The following THAP4 variants were observed in gnomAD, a reference collection of about 807,000 sequenced individuals.
THAP4 encodes THAP domain containing 4.
In THAP4, 18 loss-of-function variants were observed where a neutral mutation model predicts 48.1. The observed-to-expected ratio is 0.37, with a 90% confidence interval of 0.26 to 0.56. The LOEUF (loss-of-function observed/expected upper bound fraction) is 0.56. Among genes scored for constraint, THAP4 ranks in the 20% least tolerant of loss-of-function variants. The probability of loss-of-function intolerance (pLI) is 0.78; values close to 1 mark genes in which losing one functional copy is unlikely to be tolerated. For missense variants in THAP4, 656 were observed against 774.9 expected, an observed-to-expected ratio of 0.85 and a Z score of 1.82; for synonymous variants, 345 against 324.9, an observed-to-expected ratio of 1.06 and a Z score of -0.66.
At chr2:241,621,559 C>A (rs572790942) in intron 2 of THAP4, among the ~76,000 whole-genome samples, 36 of 151,766 alleles carry the variant, frequency 2.4e-4, no homozygotes, top group African/African-American at 8.7e-4. Flanking sequence ...GAAAGAATCA[C>A]TGAGTTGAAG....
rs968656620 is a variant in THAP4, at chr2:241,637,137, C to A, written c.-120G>T. 1 of 993,338 alleles carries A rather than the reference C, an allele frequency of 1.0e-6. No individual in the cohort carries two copies. The highest frequency in any genetic ancestry group is 1.2e-6 in the Non-Finnish European group (1 of 836,776). The allele number at this position is 993,338 out of a possible 1,614,324, so 61.5% of individuals were successfully genotyped here. A position where few individuals can be genotyped will look rare whatever the true frequency, so the allele number is the denominator to read the frequency against. ...GCTCGGGACGTGGGCCGGCCCGCGG[C>A]GTCCGCGCCGTACGGCAAGATGGAG... On this transcript the variant is annotated 5_prime_UTR_variant, in exon 1 of 6. Coordinates refer to ENST00000407315, the MANE Select transcript of THAP4 (RefSeq NM_015963.6).
intron 2 of THAP4, among the ~76,000 whole-genome samples, chr2:241,630,140 G>A (rs1011690805): frequency 6.6e-6 from 1 of 152,108 alleles, no homozygotes; most frequent in Non-Finnish European, 1.5e-5. Context: ...CCCAATCTGT[G>A]TGCACTGAAA....
At chr2:241,629,700 G>A (rs1559234974) in intron 2 of THAP4, among the ~76,000 whole-genome samples, 2 of 151,592 alleles carry the variant, frequency 1.3e-5, no homozygotes, top group African/African-American at 4.9e-5. Flanking sequence ...GAAATAAGAC[G>A]TTAAACGGGA....
chr2:241,596,092 C>T lies in THAP4; in HGVS notation c.1614+5804G>A, dbSNP rs138595042. Among the ~76,000 whole-genome samples the T allele has an allele frequency of 3.4e-4, 52 of 152,342 alleles. No homozygotes were observed. In the East Asian group the frequency reaches 8.1e-3, roughly 24 times the overall value. ...CGCTGTAATAAGTCAGCTCCTGCCACGTCCTATGAGGCCTCCCAGTGAACC... is the reference window on the plus strand; with the variant it reads ...CGCTGTAATAAGTCAGCTCCTGCCATGTCCTATGAGGCCTCCCAGTGAACC... On this transcript the variant is annotated intron_variant, in intron 5 of 5. Coordinates refer to ENST00000407315, the MANE Select transcript of THAP4 (RefSeq NM_015963.6).
intron 5 of THAP4, among the ~76,000 whole-genome samples, chr2:241,585,912 CA>C (rs1175852721): frequency 2.9e-3 from 81 of 28,280 alleles, no homozygotes; most frequent in African/African-American, 5.3e-3. Flanking sequence ...GACTCCTTCT[CA>C]AAAAAAAAAA....
In THAP4 at chr2:241,633,044, G is replaced by A. The variant is rs765217337; in HGVS notation, c.1113C>T (p.Gly371=). Residue 371 remains glycine (G), a synonymous_variant, in exon 2 of 6, where the codon GGC becomes GGT. Transcript: ENST00000407315. The surrounding 1 kb of genome is among the most constrained non-coding windows in gnomAD (Gnocchi z 7.5). ...CLREQVEKKN[G]ELKSLRQRVS... is the part of the protein sequence containing the mutation. ...CCCTCTGCCGCAGGCTCTTCAGCTC[G>A]CCGTTCTTCTTCTCCACCTGCTCCC... is the stretch of plus-strand genomic sequence containing the variant. The A allele has an allele frequency of 4.0e-5, 64 of 1,613,790 alleles. No individual in the cohort carries two copies. Among genetic ancestry groups the A allele is most frequent in the Middle Eastern group, 1.6e-4 (1 of 6,084 alleles).
upstream of THAP4, chr2:241,637,258 C>T (rs2067689060): frequency 1.9e-6 from 2 of 1,073,782 alleles, no homozygotes; most frequent in Admixed American, 5.9e-5. Flanking sequence ...CGGGGCGCCG[C>T]AGGCCCCTCG....
intron 5 of THAP4, among the ~76,000 whole-genome samples, chr2:241,599,405 TC>T (rs2067086553): frequency 1.3e-5 from 2 of 152,176 alleles, no homozygotes; most frequent in Non-Finnish European, 2.9e-5. Context: ...GTGCCTAAGA[TC>T]CTGGCTGTCT....
rs558759411 is a variant in THAP4 at position 241,630,382 on chromosome 2, A to ACT, written c.1240+2534_1240+2535insAG. On this transcript the variant is annotated intron_variant, in intron 2 of 5. Coordinates refer to ENST00000407315, the MANE Select transcript of THAP4 (RefSeq NM_015963.6). ...AAAAGATGTAAGGATTAACCAGCATAAACAACAACTCAGAGACACGAAGGG... is the reference window on the plus strand; with the variant it reads ...AAAAGATGTAAGGATTAACCAGCATACTAACAACAACTCAGAGACACGAAGGG... 6.6e-4 allele frequency among the ~76,000 whole-genome samples: 101 copies of ACT among 152,306 alleles called. 3 individuals carry two copies. In the South Asian group the frequency reaches 0.021, roughly 32 times the overall value.
intron 1 of THAP4, 30 bp downstream of exon 1, chr2:241,636,911 C>A: frequency 2.5e-6 from 3 of 1,204,088 alleles, no homozygotes; most frequent in Middle Eastern, 3.4e-4. Context: ...CGGGTCGGGG[C>A]GGGGGCGTGG....
intron 2 of THAP4, among the ~76,000 whole-genome samples, chr2:241,631,526 T>G (rs1224027977): frequency 6.6e-6 from 1 of 152,220 alleles, no homozygotes; most frequent in Non-Finnish European, 1.5e-5. Flanking sequence ...AGTACAGTGG[T>G]GCAATCACAG....
At chr2:241,602,324 A>G (rs2067125170) in intron 4 of THAP4, among the ~76,000 whole-genome samples, 1 of 151,444 alleles carries the variant, frequency 6.6e-6, no homozygotes, top group East Asian at 1.9e-4. Context: ...ATGGACGTCC[A>G]GGAAGAAACA....
At position 241,633,169 on chromosome 2, in the gene THAP4, C is replaced by G; in HGVS notation, c.988G>C (p.Glu330Gln). ...HSDASPMSINEVILSASGACK... is the reference protein window; with the variant it reads ...HSDASPMSINQVILSASGACK... ...GCCCCTGACGCCGACAGGATGACCT[C>G]GTTGATGGACATGGGGCTGGCGTCG... The change falls in exon 2 of 6, where the codon GAG becomes CAG. Residue 330 changes from glutamate to glutamine, a missense_variant. Physicochemically the swap from Glu to Gln is conservative, Grantham distance 29. This residue lies in a region of THAP4 where 391 missense variants were observed against 412.4 expected (regional missense o/e 0.95). Transcript: ENST00000407315. The surrounding 1 kb of genome is among the most constrained non-coding windows in gnomAD (Gnocchi z 7.5). 1 of 1,608,864 alleles carries G rather than the reference C, an allele frequency of 6.2e-7. No homozygotes were observed. Among genetic ancestry groups the G allele is most frequent in the Non-Finnish European group, 8.5e-7 (1 of 1,176,798 alleles).
chr2:241,633,788 TC>T lies in THAP4; in HGVS notation c.368del (p.Gly123GlufsTer22). The T allele has an allele frequency of 6.2e-7, 1 of 1,613,624 alleles. No individual in the cohort carries two copies. Among genetic ancestry groups the T allele is most frequent in the Non-Finnish European group, 8.5e-7 (1 of 1,179,658 alleles). ...RGHSSAATSR[G>X]AAGWSPSSSG... ...TCGAGGACGGTGACCAACCTGCAGCTCCTCTGCTGGTGGCGGCACTCGAGTG... is the reference window on the plus strand; with the variant it reads ...TCGAGGACGGTGACCAACCTGCAGCTCTCTGCTGGTGGCGGCACTCGAGTG... On this transcript the variant is annotated frameshift_variant, in exon 2 of 6. Coordinates refer to ENST00000407315, the MANE Select transcript of THAP4 (RefSeq NM_015963.6). LOFTEE classifies it high-confidence loss of function. This position sits in a 1 kb window ranked among gnomAD's most constrained non-coding sequence, Gnocchi z 7.5.
Position 241,637,069 on chromosome 2 carries a change from C to G in THAP4, c.-52G>C, listed in dbSNP as rs767879142. On this transcript the variant is annotated 5_prime_UTR_variant, in exon 1 of 6. Coordinates refer to ENST00000407315, the MANE Select transcript of THAP4 (RefSeq NM_015963.6). ...CAGGCCCCGGCCCTAGCCGCCCGCC[C>G]GCCCGCGGACCGCCCCGAGGGAGGG... The G allele has an allele frequency of 7.3e-6, 8 of 1,094,066 alleles. No homozygotes were observed. In the East Asian group the frequency reaches 6.2e-4, roughly 85 times the overall value. 67.8% of individuals were successfully genotyped at this position (1,094,066 alleles called of 1,614,324 possible).
chr2:241,620,820 G>C (rs2067421213), intron 2 of THAP4, among the ~76,000 whole-genome samples: 1 of 152,088 alleles, frequency 6.6e-6, no homozygotes, highest in Non-Finnish European at 1.5e-5. Context: ...TAGGTGACAG[G>C]ACTCTCTCAG....
rs148112584 is a variant in THAP4 at position 241,633,765 on chromosome 2, G to A, written c.392C>T (p.Ser131Leu). The change falls in exon 2 of 6, where the codon TCG becomes TTG. Residue 131 changes from serine to leucine, a missense_variant. Coordinates refer to ENST00000407315, the MANE Select transcript of THAP4 (RefSeq NM_015963.6). This position sits in a 1 kb window ranked among gnomAD's most constrained non-coding sequence, Gnocchi z 7.5. ...TGGCTTGGCCATCGGGTTTCCACTC[G>A]AGGACGGTGACCAACCTGCAGCTCC... ...SRGAAGWSPSSSGNPMAKPES... is the reference protein window; with the variant it reads ...SRGAAGWSPSLSGNPMAKPES... 28 of 1,613,250 alleles carry A rather than the reference G, an allele frequency of 1.7e-5. No individual in the cohort carries two copies. The African/African-American group carries it at 2.4e-4, about 14-fold the overall frequency.
upstream of THAP4, chr2:241,637,407 TCGA>T: frequency 6.9e-7 from 1 of 1,445,384 alleles, no homozygotes; most frequent in Non-Finnish European, 9.1e-7. Flanking sequence ...CTCTGCCGCC[TCGA>T]CAACTGCTCC....
chr2:241,630,587 T>C (rs897192030), intron 2 of THAP4, among the ~76,000 whole-genome samples: 1 of 152,146 alleles, frequency 6.6e-6, no homozygotes, highest in Non-Finnish European at 1.5e-5. Flanking sequence ...GAGACCAGCC[T>C]GACCAACATG....
Sources: gnomAD v4.1 joint callset for allele counts (sites outside exome capture counted in the v4.1 genomes callset) on GRCh38, gnomAD v4.1.1 for gene constraint, gnomAD v4.1.1 regional missense constraint, Gnocchi (gnomAD v3.1) non-coding constraint, MANE v1.5 for transcripts, NCBI Gene and HGNC (gene_info 2026-07-23, HGNC 2026-07-21) for gene names.